The following KLHL29 variants were observed in gnomAD, a reference collection of about 807,000 sequenced individuals.
KLHL29 encodes kelch like family member 29.
A neutral mutation model predicts 80.4 loss-of-function variants in KLHL29; 21 were observed. That is an observed-to-expected ratio of 0.26 (90% confidence interval 0.19 to 0.38). The LOEUF (loss-of-function observed/expected upper bound fraction) is 0.38. KLHL29 is among the 10% of genes least tolerant of loss of function. KLHL29 has a pLI of 1.00. For synonymous variants in KLHL29, 511 were observed against 526.8 expected (o/e 0.97, Z 0.41); for missense variants, 867 against 1,223.9 (o/e 0.71, Z 4.35).
At chr2:23,428,372 G>T (rs1342389715) in intron 1 of KLHL29, among the ~76,000 whole-genome samples, 1 of 152,128 alleles carries the variant, frequency 6.6e-6, no homozygotes, top group Non-Finnish European at 1.5e-5. Flanking sequence ...GTCTGGCATG[G>T]GTATAGGATT....
At chr2:23,654,336 C>T (rs1670173115) in intron 5 of KLHL29, among the ~76,000 whole-genome samples, 1 of 152,162 alleles carries the variant, frequency 6.6e-6, no homozygotes, top group Admixed American at 6.5e-5. Context: ...CCAAATAGAA[C>T]CTGTTGCTGC....
intron 2 of KLHL29, among the ~76,000 whole-genome samples, chr2:23,531,114 A>G (rs981164181): frequency 1.3e-5 from 2 of 152,356 alleles, no homozygotes; most frequent in African/African-American, 2.4e-5. Flanking sequence ...CTGGGACTGT[A>G]TCTGGGACTC....
intron 2 of KLHL29, among the ~76,000 whole-genome samples, chr2:23,534,344 G>A (rs927378222): frequency 6.6e-6 from 1 of 152,086 alleles, no homozygotes; most frequent in Non-Finnish European, 1.5e-5. Context: ...CCCAATGCCT[G>A]TTCCTTAACA....
At chr2:23,515,162 C>T (rs1215699568) in intron 2 of KLHL29, among the ~76,000 whole-genome samples, 2 of 152,152 alleles carry the variant, frequency 1.3e-5, no homozygotes, top group Non-Finnish European at 2.9e-5. Flanking sequence ...TCCCTCTTCG[C>T]ATTTCTACCA....
chr2:23,474,395 A>G (rs996777522), intron 1 of KLHL29, among the ~76,000 whole-genome samples: 7 of 152,212 alleles, frequency 4.6e-5, no homozygotes, highest in African/African-American at 1.7e-4. Context: ...AGTATTGCCA[A>G]TACCTTGTGG....
At chr2:23,615,251 C>T (rs551955460) in intron 3 of KLHL29, among the ~76,000 whole-genome samples, 1 of 152,298 alleles carries the variant, frequency 6.6e-6, no homozygotes, top group African/African-American at 2.4e-5. Context: ...ACTGCTGCCT[C>T]GACTTCTGCT....
intron 2 of KLHL29, among the ~76,000 whole-genome samples, chr2:23,547,919 G>A (rs1667018256): frequency 6.6e-6 from 1 of 152,160 alleles, no homozygotes; most frequent in African/African-American, 2.4e-5. Flanking sequence ...AAGGCACAGA[G>A]TAAGGCCACC....
Position 23,695,155 on chromosome 2 carries a change from C to T in KLHL29, c.1543-468C>T, listed in dbSNP as rs770832717. On this transcript the variant is annotated intron_variant, in intron 8 of 13. Transcript: ENST00000486442. This position sits in a 1 kb window ranked among gnomAD's most constrained non-coding sequence, Gnocchi z 7.6. ...GGTGCTGGAGAGACACAGGCTCCCA[C>T]GGCTGAGACTTACAAGCTCAATAGT... Among the ~76,000 whole-genome samples the T allele has an allele frequency of 2.6e-5, 4 of 152,162 alleles. No individual in the cohort carries two copies. The highest frequency in any genetic ancestry group is 4.4e-5 in the Non-Finnish European group (3 of 68,030).
At chr2:23,470,837 C>T (rs1159384660) in intron 1 of KLHL29, among the ~76,000 whole-genome samples, 1 of 152,156 alleles carries the variant, frequency 6.6e-6, no homozygotes, top group Non-Finnish European at 1.5e-5. Flanking sequence ...TTCCGGACCC[C>T]GGCTCATGAA....
chr2:23,668,035 C>T (rs1670602329), intron 5 of KLHL29: 1 of 152,372 alleles, frequency 6.6e-6, no homozygotes. Flanking sequence ...GGTCCTGCCC[C>T]TCTCTGCGTT....
At chr2:23,446,847 G>A (rs1347228302) in intron 1 of KLHL29, among the ~76,000 whole-genome samples, 2 of 152,180 alleles carry the variant, frequency 1.3e-5, no homozygotes, top group African/African-American at 4.8e-5. Flanking sequence ...AGGAAGGAAG[G>A]GAATCACATA....
intron 3 of KLHL29, among the ~76,000 whole-genome samples, chr2:23,583,654 A>G (rs997626416): frequency 6.6e-6 from 1 of 152,212 alleles, no homozygotes; most frequent in Non-Finnish European, 1.5e-5. Context: ...TGTGGCCTCC[A>G]TTTAAAGGGA....
In KLHL29 at chr2:23,681,814, G is replaced by C. The variant is rs1671089260; in HGVS notation, c.941-2585G>C. ...AAAGGGGATGTCATCTACCTGGCTCGTGGTTTGGGCATTAATTCGGCTGGT... is the reference window on the plus strand; with the variant it reads ...AAAGGGGATGTCATCTACCTGGCTCCTGGTTTGGGCATTAATTCGGCTGGT... On this transcript the variant is annotated intron_variant, in intron 5 of 13. Transcript: ENST00000486442. The surrounding 1 kb of genome is among the most constrained non-coding windows in gnomAD (Gnocchi z 4.2). Among the ~76,000 whole-genome samples the C allele has an allele frequency of 1.3e-5, 2 of 152,170 alleles. No homozygotes were observed. The highest frequency in any genetic ancestry group is 1.3e-4 in the Admixed American group (2 of 15,278).
rs1232496292 is a variant in KLHL29 at position 23,421,562 on chromosome 2, G to GTC, written c.-154+35783_-154+35784insCT. ...TGTGTGTGTGTGTGTGTGTGTGTGT[G>GTC]TGTCTGTAGCTGTGTGTGTCTGTGT... is the stretch of plus-strand genomic sequence containing the variant. On this transcript the variant is annotated intron_variant, in intron 1 of 13. Coordinates refer to ENST00000486442, the MANE Select transcript of KLHL29 (RefSeq NM_052920.2). Among the ~76,000 whole-genome samples, 372 of 141,164 alleles carry GTC rather than the reference G, an allele frequency of 2.6e-3. 1 individual carries two copies. The highest frequency in any genetic ancestry group is 0.011 in the Middle Eastern group (3 of 272). The allele number at this position is 141,164 out of a possible 152,430, so 92.6% of individuals were successfully genotyped here.
At chr2:23,439,697 C>T (rs1309345059) in intron 1 of KLHL29, among the ~76,000 whole-genome samples, 1 of 151,116 alleles carries the variant, frequency 6.6e-6, no homozygotes, top group Admixed American at 6.6e-5. Context: ...AATTTCTGTT[C>T]TTTTACATTT....
At chr2:23,565,303 A>G (rs1457406219) in intron 3 of KLHL29, among the ~76,000 whole-genome samples, 1 of 152,058 alleles carries the variant, frequency 6.6e-6, no homozygotes, top group African/African-American at 2.4e-5. Context: ...ACCTCAAGTG[A>G]TCCACCCACC....
intron 1 of KLHL29, among the ~76,000 whole-genome samples, chr2:23,444,368 G>A (rs1007712680): frequency 1.3e-5 from 2 of 152,054 alleles, no homozygotes; most frequent in African/African-American, 4.8e-5. Flanking sequence ...TTGTTGCCCA[G>A]GCCTGGAGTG....
intron 2 of KLHL29, among the ~76,000 whole-genome samples, chr2:23,482,464 C>G (rs917378590): frequency 6.6e-6 from 1 of 152,226 alleles, no homozygotes; most frequent in Non-Finnish European, 1.5e-5. Context: ...CTGGGAGTGT[C>G]GCTGTGCCCT....
At chr2:23,568,739 A>G (rs1041251657) in intron 3 of KLHL29, among the ~76,000 whole-genome samples, 16 of 152,340 alleles carry the variant, frequency 1.1e-4, no homozygotes, top group East Asian at 5.8e-4. Flanking sequence ...AGGGACAGGC[A>G]TCTAAGGTTG....
Sources: gnomAD v4.1 joint callset for allele counts (sites outside exome capture counted in the v4.1 genomes callset) on GRCh38, gnomAD v4.1.1 for gene constraint, Gnocchi (gnomAD v3.1) non-coding constraint, MANE v1.5 for transcripts, NCBI Gene and HGNC (gene_info 2026-07-23, HGNC 2026-07-21) for gene names.